ASTN2: variants seen among roughly 807,000 people sequenced by gnomAD.
The protein encoded by ASTN2 is astrotactin-2.
ASTN2 carries 54 observed loss-of-function variants against 139.8 expected under a neutral mutation model. The observed-to-expected ratio is 0.39, with a 90% CI of 0.31 to 0.48. The LOEUF is 0.48. ASTN2 is among the 20% of genes least tolerant of loss of function. The probability of loss-of-function intolerance (pLI) is 0.95; values close to 1 mark genes in which losing one functional copy is unlikely to be tolerated. For synonymous variants in ASTN2, 756 were observed against 719.5 expected, an observed-to-expected ratio of 1.05 and a Z score of -0.81; for missense variants, 1,565 against 1,725.1, an observed-to-expected ratio of 0.91 and a Z score of 1.64.
At chr9:116,851,907 C>T (rs1050847673) in intron 11 of ASTN2, among the ~76,000 whole-genome samples, 1 of 152,100 alleles carries the variant, frequency 6.6e-6, no homozygotes, top group Non-Finnish European at 1.5e-5. Flanking sequence ...GAACCAAGTA[C>T]ATCTTTGACT....
At chr9:116,715,849 G>A (rs1164514359) in intron 16 of ASTN2, among the ~76,000 whole-genome samples, 1 of 152,116 alleles carries the variant, frequency 6.6e-6, no homozygotes, top group African/African-American at 2.4e-5. Flanking sequence ...GGCAGACAGG[G>A]AAGAACAGGG....
At chr9:116,989,202 C>A (rs533439983) in intron 7 of ASTN2, among the ~76,000 whole-genome samples, 60 of 152,158 alleles carry the variant, frequency 3.9e-4, no homozygotes, top group African/African-American at 1.4e-3. Context: ...ACAATTATAG[C>A]AAAAATACTA....
intron 10 of ASTN2, among the ~76,000 whole-genome samples, chr9:116,870,435 A>C (rs897419125): frequency 6.6e-6 from 1 of 152,238 alleles, no homozygotes; most frequent in African/African-American, 2.4e-5. Context: ...TTATTCATTC[A>C]ATAAATATCT....
chr9:117,040,440 A>T (rs1838527295), intron 5 of ASTN2, among the ~76,000 whole-genome samples: 1 of 152,102 alleles, frequency 6.6e-6, no homozygotes, highest in Non-Finnish European at 1.5e-5. Flanking sequence ...TCCATTTTCC[A>T]AACCTCAGTT....
chr9:116,982,190 T>A (rs888334805), intron 7 of ASTN2, among the ~76,000 whole-genome samples: 8 of 152,208 alleles, frequency 5.3e-5, no homozygotes, highest in Non-Finnish European at 1.2e-4. Flanking sequence ...AATCATCATG[T>A]ACTGCATTCA....
chr9:116,430,547 G>C (rs554741108), intron 22 of ASTN2, among the ~76,000 whole-genome samples: 2 of 152,328 alleles, frequency 1.3e-5, no homozygotes, highest in East Asian at 3.9e-4. Context: ...ATTCAAAGCA[G>C]AATATTATCG....
At chr9:117,322,914 C>A (rs190077346) in intron 1 of ASTN2, among the ~76,000 whole-genome samples, 1 of 152,112 alleles carries the variant, frequency 6.6e-6, no homozygotes, top group East Asian at 1.9e-4. Context: ...TTTCCTTCAA[C>A]CTTTCCAGTA....
chr9:116,543,381 T>C, intron 19 of ASTN2, among the ~76,000 whole-genome samples: 1 of 150,896 alleles, frequency 6.6e-6, no homozygotes, highest in African/African-American at 2.4e-5. Context: ...GAGGCTGCAA[T>C]GATCCATCAT....
rs146631013 is a variant in ASTN2, at chr9:116,534,310, C to A, written c.3356-46810G>T. ...AATTTTGTTGATCTTTTCAAAAAAC[C>A]AGCTCCTGGATTCATTGATTTTTCG... On this transcript the variant is annotated intron_variant, in intron 19 of 22. Transcript: ENST00000313400. 0.019 allele frequency among the ~76,000 whole-genome samples: 2,926 copies of A among 152,174 alleles called. 382 individuals carry two copies. In the South Asian group the frequency reaches 0.28, roughly 14 times the overall value.
intron 5 of ASTN2, among the ~76,000 whole-genome samples, chr9:117,094,132 GACTAAGGGAGGGAGGGAGGGAGAA>G: frequency 4.9e-5 from 1 of 20,368 alleles, no homozygotes; most frequent in African/African-American, 1.8e-4. Flanking sequence ...GGGAGGGAGG[GACTAAGGGAGGGAGGGAGGGAGAA>G]AGGGAGGAAG....
chr9:117,139,954 G>T (rs1039060872), intron 4 of ASTN2, among the ~76,000 whole-genome samples: 1 of 152,124 alleles, frequency 6.6e-6, no homozygotes, highest in Non-Finnish European at 1.5e-5. Context: ...AAGTTAAAAG[G>T]TTTGAGACTC....
In ASTN2 at chr9:116,733,968, G is replaced by A. The variant is rs191453864; in HGVS notation, c.2397-445C>T. 9.9e-4 allele frequency among the ~76,000 whole-genome samples: 150 copies of A among 152,260 alleles called. 1 individual carries two copies. Among genetic ancestry groups the A allele is most frequent in the Admixed American group, 2.7e-3 (42 of 15,298 alleles). On this transcript the variant is annotated intron_variant, in intron 13 of 22. Transcript: ENST00000313400. ...AGGATGTGAGAACTGAGAATAGTGC[G>A]TAGTGTTTGCAGAACAAGGGGCAAG...
chr9:117,102,236 G>C (rs1828996304), intron 4 of ASTN2, among the ~76,000 whole-genome samples: 1 of 152,168 alleles, frequency 6.6e-6, no homozygotes, highest in Non-Finnish European at 1.5e-5. Flanking sequence ...CAATGTGGAT[G>C]AATGTTGCAA....
intron 19 of ASTN2, among the ~76,000 whole-genome samples, chr9:116,535,281 A>G (rs1851565563): frequency 6.6e-6 from 1 of 152,146 alleles, no homozygotes; most frequent in Admixed American, 6.5e-5. Context: ...GATATCCTGA[A>G]TACAGCACAC....
chr9:116,533,514 T>C (rs1411633419), intron 19 of ASTN2, among the ~76,000 whole-genome samples: 2 of 152,180 alleles, frequency 1.3e-5, no homozygotes, highest in African/African-American at 2.4e-5. Flanking sequence ...AAATAGCTCT[T>C]ATTATTTTCA....
At chr9:117,042,668 T>C (rs1009119407) in intron 5 of ASTN2, among the ~76,000 whole-genome samples, 1 of 151,986 alleles carries the variant, frequency 6.6e-6, no homozygotes, top group African/African-American at 2.4e-5. Context: ...ATATGTATAG[T>C]ATAAATCTTT....
At chr9:116,838,589 ATT>A (rs34871450) in intron 11 of ASTN2, among the ~76,000 whole-genome samples, 22 of 130,104 alleles carry the variant, frequency 1.7e-4, no homozygotes, top group Middle Eastern at 4.1e-3. Flanking sequence ...ATGCCCAGCA[ATT>A]TTTTTTTTTT....
intron 7 of ASTN2, among the ~76,000 whole-genome samples, chr9:117,001,500 C>T (rs2132570751): frequency 6.6e-6 from 1 of 152,218 alleles, no homozygotes; most frequent in East Asian, 1.9e-4. Context: ...TTAATGACCT[C>T]TCTTCATATT....
chr9:116,449,032 G>A (rs557635955), intron 20 of ASTN2, among the ~76,000 whole-genome samples: 18 of 152,316 alleles, frequency 1.2e-4, no homozygotes, highest in African/African-American at 3.8e-4. Flanking sequence ...ACCTGAGTTC[G>A]AATGTTTGTT....
Sources: allele counts gnomAD v4.1 joint callset (sites outside exome capture counted in the v4.1 genomes callset), GRCh38; gene constraint gnomAD v4.1.1; transcripts MANE v1.5; gene names NCBI Gene and HGNC (gene_info 2026-07-23, HGNC 2026-07-21).